The following GABRA4 variants were observed in gnomAD, a reference collection of about 807,000 sequenced individuals.
GABRA4 encodes gamma-aminobutyric acid receptor subunit alpha-4.
Under a neutral mutation model 49.7 loss-of-function variants are expected in GABRA4, and 12 were observed. The ratio of observed to expected loss-of-function variants is 0.24; its 90% confidence interval spans 0.15 to 0.39. The LOEUF is 0.39. GABRA4 is among the 10% of genes least tolerant of loss of function. The pLI is 1.00. For missense variants in GABRA4, 506 were observed against 686.0 expected (o/e 0.74, Z 2.93); for synonymous variants, 288 against 240.2 (o/e 1.20, Z -1.84).
chr4:46,941,129 C>T (rs1721772887), intron 8 of GABRA4, among the ~76,000 whole-genome samples: 1 of 151,750 alleles, frequency 6.6e-6, no homozygotes. Context: ...ATAACCACTT[C>T]AGCCAGGCAG....
rs981121282 is a variant in GABRA4 at position 46,920,571 on chromosome 4, G to T, written c.*7654C>A. 6.6e-6 allele frequency: 1 copy of T among 151,324 alleles called. No homozygotes were observed. The highest frequency in any genetic ancestry group is 2.4e-5 in the African/African-American group (1 of 41,306). The allele number at this position is 151,324 out of a possible 1,614,324, so 9.4% of individuals were successfully genotyped here. ...TCATATATGATCTGCAAAATTCAAG[G>T]GAGAATTTTTATCAAATTGTGTAAA... On this transcript the variant is annotated 3_prime_UTR_variant, in exon 9 of 9. Coordinates refer to ENST00000264318, the MANE Select transcript of GABRA4 (RefSeq NM_000809.4).
At chr4:46,933,612 C>A (rs187685416) in intron 8 of GABRA4, among the ~76,000 whole-genome samples, 55 of 152,162 alleles carry the variant, frequency 3.6e-4, no homozygotes, top group Admixed American at 7.9e-4. Flanking sequence ...GATGACAGAC[C>A]ACAAAAGGAA....
intron 8 of GABRA4, among the ~76,000 whole-genome samples, chr4:46,951,749 T>G (rs1488882200): frequency 6.6e-6 from 1 of 151,186 alleles, no homozygotes; most frequent in African/African-American, 2.4e-5. Context: ...TATGTGTGTG[T>G]GTGTATATGT....
At position 46,971,282 on chromosome 4, in the gene GABRA4, T is replaced by G. The variant is rs776795829; in HGVS notation, c.722-47A>C. 1.9e-6 allele frequency: 3 copies of G among 1,549,350 alleles called. No individual in the cohort carries two copies. In the South Asian group the frequency reaches 3.4e-5, roughly 18 times the overall value. ...AATGTGTTATCGGTTCTGCAGGCAA[T>G]TAGTCAATGGCTTCATAAACATATT... On this transcript the variant is annotated intron_variant, in intron 6 of 8. Transcript: ENST00000264318.
Position 46,977,326 on chromosome 4 carries a change from GAGGA to G in GABRA4, c.494+80_494+83del, listed in dbSNP as rs993736755. ...GGAGGAAGGGAGGGAGGAAGGGAGG[GAGGA>G]AGGAAGGAAGGAAGGAAGAAAGGAA... On this transcript the variant is annotated intron_variant, in intron 4 of 8. Transcript: ENST00000264318. 246 of 710,386 alleles carry G rather than the reference GAGGA, an allele frequency of 3.5e-4. 1 individual carries two copies. The highest frequency in any genetic ancestry group is 7.3e-4 in the Middle Eastern group (2 of 2,726). The allele number at this position is 710,386 out of a possible 1,614,324, so 44.0% of individuals were successfully genotyped here.
In GABRA4 at chr4:46,924,314, T is replaced by C. The variant is rs1721134445; in HGVS notation, c.*3911A>G. On this transcript the variant is annotated 3_prime_UTR_variant, in exon 9 of 9. Coordinates refer to ENST00000264318, the MANE Select transcript of GABRA4 (RefSeq NM_000809.4). ...AATATTCACTTAAATATTAGGTATC[T>C]TGATTATTGAAGTTTTGATGTCCCC... 6.6e-6 allele frequency: 1 copy of C among 152,152 alleles called. No individual in the cohort carries two copies. The highest frequency in any genetic ancestry group is 1.5e-5 in the Non-Finnish European group (1 of 67,990). 9.4% of individuals were successfully genotyped at this position (152,152 alleles called of 1,614,324 possible). A position where few individuals can be genotyped will look rare whatever the true frequency, so the allele number is the denominator to read the frequency against.
chr4:46,958,141 TCAGA>T (rs1269146139), intron 8 of GABRA4, among the ~76,000 whole-genome samples: 1 of 151,972 alleles, frequency 6.6e-6, no homozygotes, highest in Non-Finnish European at 1.5e-5. Context: ...AGCTCTGCAT[TCAGA>T]CAGAGCCAAA....
At chr4:46,982,575 A>C (rs1261334348) in intron 2 of GABRA4, among the ~76,000 whole-genome samples, 2 of 152,066 alleles carry the variant, frequency 1.3e-5, no homozygotes, top group Admixed American at 1.3e-4. Flanking sequence ...TAGAGAACCC[A>C]AAATTTATCG....
chr4:46,963,011 G>A (rs1344097321), intron 8 of GABRA4, among the ~76,000 whole-genome samples: 1 of 151,644 alleles, frequency 6.6e-6, no homozygotes. Context: ...AAACATTGAG[G>A]GAAATCTCTT....
intron 5 of GABRA4, among the ~76,000 whole-genome samples, chr4:46,976,371 A>AAG (rs1191452220): frequency 4.7e-5 from 7 of 150,368 alleles, no homozygotes; most frequent in Non-Finnish European, 1.0e-4. Flanking sequence ...AAAAAAAAAA[A>AAG]AAAAAAAGCG....
chr4:46,971,474 C>A (rs1277549640), intron 6 of GABRA4, among the ~76,000 whole-genome samples: 1 of 151,328 alleles, frequency 6.6e-6, no homozygotes, highest in African/African-American at 2.4e-5. Context: ...ACAAATTGGG[C>A]TAAAACTTTT....
intron 8 of GABRA4, among the ~76,000 whole-genome samples, chr4:46,932,089 G>T (rs972290720): frequency 6.6e-6 from 1 of 152,068 alleles, no homozygotes; most frequent in Non-Finnish European, 1.5e-5. Flanking sequence ...GGCTCGTGAG[G>T]GCGGAAGTTC....
chr4:46,928,412 A>G lies in GABRA4; in HGVS notation c.1478T>C (p.Ile493Thr), dbSNP rs1302318387. 13 of 1,613,636 alleles carry G rather than the reference A, an allele frequency of 8.1e-6. No individual in the cohort carries two copies. Among genetic ancestry groups the G allele is most frequent in the African/African-American group, 1.3e-5 (1 of 75,012 alleles). The change falls in exon 9 of 9, where the codon ATA (isoleucine) becomes ACA (threonine). Residue 493 changes from isoleucine to threonine, a missense_variant. Physicochemically the swap from Ile to Thr is moderately conservative, Grantham distance 89. Transcript: ENST00000264318. Reference sequence around the variant, plus strand: ...AGCTGACAACTTCCCAGTAGCCCCTATGGTATTAACTGTGGTCTTTATCCT... The same window carrying G: ...AGCTGACAACTTCCCAGTAGCCCCTGTGGTATTAACTGTGGTCTTTATCCT... ...LQRIKTTVNT[I>T]GATGKLSATP...
chr4:46,931,142 G>A (rs1020825331), intron 8 of GABRA4, among the ~76,000 whole-genome samples: 2 of 152,082 alleles, frequency 1.3e-5, no homozygotes, highest in South Asian at 2.1e-4. Flanking sequence ...TGGGTGTGAG[G>A]TAACTACCCA....
At chr4:46,981,126 T>C (rs1442526839) in intron 2 of GABRA4, among the ~76,000 whole-genome samples, 1 of 152,090 alleles carries the variant, frequency 6.6e-6, no homozygotes, top group Non-Finnish European at 1.5e-5. Context: ...AACAAGTTCC[T>C]AGCTGAGGCT....
chr4:46,971,842 G>A (rs1344715443), intron 6 of GABRA4, among the ~76,000 whole-genome samples: 2 of 150,470 alleles, frequency 1.3e-5, no homozygotes, highest in Non-Finnish European at 3.0e-5. Flanking sequence ...ATATAGACGT[G>A]TATAACATAC....
At chr4:46,957,129 A>C (rs1271758123) in intron 8 of GABRA4, among the ~76,000 whole-genome samples, 2 of 151,976 alleles carry the variant, frequency 1.3e-5, no homozygotes, top group South Asian at 4.1e-4. Flanking sequence ...GACATAACTT[A>C]ATCCTTATTA....
At chr4:46,978,224 T>C (rs1222180350) in intron 3 of GABRA4, among the ~76,000 whole-genome samples, 1 of 152,062 alleles carries the variant, frequency 6.6e-6, no homozygotes, top group East Asian at 1.9e-4. Flanking sequence ...GTGCTTCGTA[T>C]TCTAAGCTCT....
intron 3 of GABRA4, 80 bp downstream of exon 3, chr4:46,978,951 C>T: frequency 2.1e-6 from 2 of 934,556 alleles, no homozygotes; most frequent in Non-Finnish European, 3.5e-6. Flanking sequence ...TGATTGACAA[C>T]AAAATAAATA....
Sources: gnomAD v4.1 joint callset for allele counts (sites outside exome capture counted in the v4.1 genomes callset) on GRCh38, gnomAD v4.1.1 for gene constraint, MANE v1.5 for transcripts, NCBI Gene and HGNC (gene_info 2026-07-23, HGNC 2026-07-21) for gene names.